METTL15: variants seen among roughly 807,000 people sequenced by gnomAD.
METTL15 encodes 12S rRNA N(4)-cytidine methyltransferase METTL15.
METTL15 carries 34 observed loss-of-function variants against 38.3 expected under a neutral mutation model. The ratio of observed to expected loss-of-function variants is 0.89; its 90% CI spans 0.68 to 1.18. The LOEUF is 1.18. Ranked by LOEUF, METTL15 falls within the 50% of genes most tolerant of loss-of-function variation. The pLI, the probability that METTL15 is intolerant of heterozygous loss-of-function variation, is 0.00. For synonymous variants in METTL15, 162 were observed against 170.9 expected (o/e 0.95, Z 0.41); for missense variants, 438 against 498.4 (o/e 0.88, Z 1.15).
intron 4 of METTL15, among the ~76,000 whole-genome samples, chr11:28,229,979 C>T (rs1042969796): frequency 3.3e-5 from 5 of 151,780 alleles, no homozygotes; most frequent in Admixed American, 6.6e-5. Context: ...TTGACCCTCT[C>T]CTTCTATATT....
At chr11:28,457,520 A>G (rs1851179236) in intron 6 of METTL15, among the ~76,000 whole-genome samples, 1 of 152,204 alleles carries the variant, frequency 6.6e-6, no homozygotes, top group African/African-American at 2.4e-5. Context: ...TTGATAGGGC[A>G]AAAATTTCTG....
rs528892508 is a variant in METTL15, at chr11:28,308,995, T to C, written c.778+12064T>C. On this transcript the variant is annotated intron_variant, in intron 6 of 6. Transcript: ENST00000407364. ...TCTATCAATCAACCAATAGATAGAT[T>C]GATCGTAGGTAGATCAATAGATACA... Among the ~76,000 whole-genome samples the C allele has an allele frequency of 3.3e-5, 5 of 152,248 alleles. No homozygotes were observed. In the South Asian group the frequency reaches 1.0e-3, roughly 32 times the overall value.
At chr11:28,359,411 C>A (rs993831845) in intron 4 of METTL15, among the ~76,000 whole-genome samples, 1 of 152,158 alleles carries the variant, frequency 6.6e-6, no homozygotes, top group South Asian at 2.1e-4. Flanking sequence ...TTTGGTAGAA[C>A]ATTTTATTTT....
At chr11:28,315,410 C>G (rs1403398618) in intron 6 of METTL15, among the ~76,000 whole-genome samples, 3 of 152,128 alleles carry the variant, frequency 2.0e-5, no homozygotes, top group Admixed American at 6.5e-5. Flanking sequence ...TTTAGCGTAC[C>G]TGGGGGAAGA....
intron 5 of METTL15, among the ~76,000 whole-genome samples, chr11:28,424,129 G>A (rs959784203): frequency 5.9e-5 from 9 of 151,852 alleles, no homozygotes; most frequent in East Asian, 1.9e-4. Context: ...TGTCATTTTC[G>A]TATGATGTTA....
intron 6 of METTL15, among the ~76,000 whole-genome samples, chr11:28,510,677 G>A (rs926932564): frequency 1.1e-4 from 17 of 152,050 alleles, no homozygotes; most frequent in Admixed American, 3.9e-4. Flanking sequence ...GGTTGATGAC[G>A]GGCCCAAAAT....
intron 4 of METTL15, among the ~76,000 whole-genome samples, chr11:28,267,848 A>G (rs936057447): frequency 6.6e-6 from 1 of 152,250 alleles, no homozygotes; most frequent in African/African-American, 2.4e-5. Context: ...ATGCATGTAT[A>G]TGGATGAATT....
intron 6 of METTL15, among the ~76,000 whole-genome samples, chr11:28,316,513 G>T (rs1222151253): frequency 2.6e-5 from 4 of 152,166 alleles, no homozygotes; most frequent in South Asian, 4.1e-4. Context: ...ACATTGGACT[G>T]CAGACTTTTG....
At chr11:28,443,894 T>G (rs1268087608) in intron 6 of METTL15, among the ~76,000 whole-genome samples, 1 of 152,216 alleles carries the variant, frequency 6.6e-6, no homozygotes, top group Non-Finnish European at 1.5e-5. Context: ...TAATTTATTC[T>G]CCATGCAGCA....
chr11:28,200,520 A>ACT (rs753403217), intron 3 of METTL15, among the ~76,000 whole-genome samples: 1 of 152,170 alleles, frequency 6.6e-6, no homozygotes, highest in Non-Finnish European at 1.5e-5. Flanking sequence ...TTTCTACTTA[A>ACT]CTGGGTGCTT....
At chr11:28,129,709 C>T (rs1852673331) in intron 3 of METTL15, among the ~76,000 whole-genome samples, 1 of 151,968 alleles carries the variant, frequency 6.6e-6, no homozygotes, top group Admixed American at 6.6e-5. Flanking sequence ...TGCGCTCAGC[C>T]CCTTATAATT....
At chr11:28,376,211 G>A (rs902420314) in intron 5 of METTL15, among the ~76,000 whole-genome samples, 6 of 151,908 alleles carry the variant, frequency 3.9e-5, no homozygotes, top group East Asian at 1.9e-4. Context: ...AGTTCAATTC[G>A]TGGGTATCCT....
At chr11:28,387,762 A>G (rs1261769762) in intron 5 of METTL15, among the ~76,000 whole-genome samples, 1 of 152,146 alleles carries the variant, frequency 6.6e-6, no homozygotes, top group Non-Finnish European at 1.5e-5. Context: ...CTACATACCA[A>G]TAACCATGAG....
chr11:28,372,877 T>G (rs1300360096), intron 5 of METTL15, among the ~76,000 whole-genome samples: 1 of 148,124 alleles, frequency 6.8e-6, no homozygotes, highest in African/African-American at 2.5e-5. Context: ...GTGTTTGGTT[T>G]TTTGTTCTTG....
intron 6 of METTL15, among the ~76,000 whole-genome samples, chr11:28,315,086 A>T (rs1857434000): frequency 6.6e-6 from 1 of 152,350 alleles, no homozygotes; most frequent in East Asian, 1.9e-4. Flanking sequence ...GGCATTGCTG[A>T]AAAGATACCC....
At chr11:28,400,366 A>G (rs1850619262) in intron 5 of METTL15, among the ~76,000 whole-genome samples, 1 of 151,944 alleles carries the variant, frequency 6.6e-6, no homozygotes, top group Admixed American at 6.6e-5. Flanking sequence ...AGTTATTAAC[A>G]TGGAGGGGAG....
intron 2 of METTL15, among the ~76,000 whole-genome samples, chr11:28,111,965 C>G (rs564725300): frequency 1.2e-4 from 18 of 152,090 alleles, no homozygotes; most frequent in South Asian, 2.1e-4. Context: ...CATTCCCCCC[C>G]CCACCGACAT....
At chr11:28,381,334 G>A (rs1465871009) in intron 5 of METTL15, among the ~76,000 whole-genome samples, 1 of 152,010 alleles carries the variant, frequency 6.6e-6, no homozygotes, top group East Asian at 1.9e-4. Flanking sequence ...ATTATTATAT[G>A]CCTTAGGATA....
At chr11:28,374,467 G>T (rs1475724876) in intron 5 of METTL15, among the ~76,000 whole-genome samples, 2 of 146,222 alleles carry the variant, frequency 1.4e-5, no homozygotes, top group Non-Finnish European at 3.0e-5. Context: ...CTCTCTGTTT[G>T]TCTGTTGTTG....
Sources: gnomAD v4.1 joint callset for allele counts (sites outside exome capture counted in the v4.1 genomes callset) on GRCh38, gnomAD v4.1.1 for gene constraint, MANE v1.5 for transcripts, NCBI Gene and HGNC (gene_info 2026-07-23, HGNC 2026-07-21) for gene names.